Variants in GID8 observed in about 807,000 individuals in gnomAD.
GID8 encodes GID complex subunit 8 homolog.
GID8 carries 6 observed loss-of-function variants against 27.4 expected under a neutral mutation model. The observed-to-expected ratio is 0.22, with a 90% CI of 0.12 to 0.43. The LOEUF is 0.43. Ranked by LOEUF, GID8 falls within the 20% of genes least tolerant of loss-of-function variation. The pLI, the probability that GID8 is intolerant of heterozygous loss-of-function variation, is 1.00. For missense variants in GID8, 173 were observed against 287.6 expected (o/e 0.60, Z 2.88); for synonymous variants, 112 against 109.0 (o/e 1.03, Z -0.17).
In GID8 at chr20:62,942,959, T is replaced by A. The variant is rs780896889; in HGVS notation, c.119-28T>A. 1.9e-6 allele frequency: 3 copies of A among 1,570,934 alleles called. No individual in the cohort carries two copies. In the Admixed American group the frequency reaches 5.1e-5, roughly 27 times the overall value. On this transcript the variant is annotated intron_variant, in intron 2 of 4. Coordinates refer to ENST00000266069, the MANE Select transcript of GID8 (RefSeq NM_017896.3). Reference sequence around the variant, plus strand: ...TGCCTTAATTCCTTGCTAACTTTCCTAGCAGTGAAGATGGTTTTTCTATTC... The same window carrying A: ...TGCCTTAATTCCTTGCTAACTTTCCAAGCAGTGAAGATGGTTTTTCTATTC...
chr20:62,943,416 T>C lies in GID8; in HGVS notation c.316-79T>C. 7.5e-7 allele frequency: 1 copy of C among 1,337,304 alleles called. No homozygotes were observed. The highest frequency in any genetic ancestry group is 1.1e-6 in the Non-Finnish European group (1 of 939,276). The allele number at this position is 1,337,304 out of a possible 1,614,324, so 82.8% of individuals were successfully genotyped here. On this transcript the variant is annotated intron_variant, in intron 3 of 4. Transcript: ENST00000266069. This position sits in a 1 kb window ranked among gnomAD's most constrained non-coding sequence, Gnocchi z 4.7. The stretch of plus-strand genomic sequence containing the variant: ...AAGTCTTCCCTCTGTGATGTACTTT[T>C]GATTGGGACCTGGTACCACCTGCCC...
At position 62,943,429 on chromosome 20, in the gene GID8, GT is replaced by G; in HGVS notation, c.316-65del. On this transcript the variant is annotated intron_variant, in intron 3 of 4. Transcript: ENST00000266069. The surrounding 1 kb of genome is among the most constrained non-coding windows in gnomAD (Gnocchi z 4.7). Reference sequence around the variant, plus strand: ...GTGATGTACTTTTGATTGGGACCTGGTACCACCTGCCCTAAGTCCCTGGCCT... The same window carrying G: ...GTGATGTACTTTTGATTGGGACCTGGACCACCTGCCCTAAGTCCCTGGCCT... 1 of 1,415,696 alleles carries G rather than the reference GT, an allele frequency of 7.1e-7. No individual in the cohort carries two copies. Among genetic ancestry groups the G allele is most frequent in the Non-Finnish European group, 1.0e-6 (1 of 1,004,918 alleles). The allele number at this position is 1,415,696 out of a possible 1,614,324, so 87.7% of individuals were successfully genotyped here.
In GID8 at chr20:62,945,238, T is replaced by C; in HGVS notation, c.*326T>C. 1.9e-6 allele frequency: 2 copies of C among 1,077,074 alleles called. No homozygotes were observed. The highest frequency in any genetic ancestry group is 2.3e-6 in the Non-Finnish European group (2 of 886,736). The allele number at this position is 1,077,074 out of a possible 1,614,324, so 66.7% of individuals were successfully genotyped here. A position where few individuals can be genotyped will look rare whatever the true frequency, so the allele number is the denominator to read the frequency against. ...CGGTCTACCACGGAGGGCTGTGCTG[T>C]TAGGCTGCATCCCACTCAAAATACA... On this transcript the variant is annotated 3_prime_UTR_variant, in exon 5 of 5. Coordinates refer to ENST00000266069, the MANE Select transcript of GID8 (RefSeq NM_017896.3).
chr20:62,941,466 C>A, intron 1 of GID8, 25 bp from the exon 2 acceptor site: 2 of 1,330,220 alleles, frequency 1.5e-6, no homozygotes, highest in Non-Finnish European at 2.2e-6. Context: ...AAACCCCTCC[C>A]TCAGCTGTTA....
intron 1 of GID8, chr20:62,938,536 G>C (rs529411462): frequency 2.0e-3 from 311 of 152,408 alleles, no homozygotes; most frequent in Admixed American, 4.2e-3. Flanking sequence ...GGCGGTAGCT[G>C]TCTCTGTGGA....
In GID8 at chr20:62,943,371, A is replaced by G. The variant is rs1200133921; in HGVS notation, c.316-124A>G. 11 of 1,052,044 alleles carry G rather than the reference A, an allele frequency of 1.0e-5. No homozygotes were observed. Among genetic ancestry groups the G allele is most frequent in the Admixed American group, 2.5e-5 (1 of 40,678 alleles). 65.2% of individuals were successfully genotyped at this position (1,052,044 alleles called of 1,614,324 possible). A position where few individuals can be genotyped will look rare whatever the true frequency, so the allele number is the denominator to read the frequency against. On this transcript the variant is annotated intron_variant, in intron 3 of 4. Transcript: ENST00000266069. This position sits in a 1 kb window ranked among gnomAD's most constrained non-coding sequence, Gnocchi z 4.7. ...TTTTTGTTTTAAAAATGCAAATTTG[A>G]TAACTCAGAGATGCAAGAAAAGTCT... is the stretch of plus-strand genomic sequence containing the variant.
rs181212894 is a variant in GID8 at position 62,947,660 on chromosome 20, G to C, written c.*2748G>C. The C allele has an allele frequency of 1.3e-5, 2 of 152,474 alleles. No homozygotes were observed. The highest frequency in any genetic ancestry group is 3.9e-4 in the East Asian group (2 of 5,180). 9.4% of individuals were successfully genotyped at this position (152,474 alleles called of 1,614,324 possible). ...TAACACATCTTGCCATTTGAATCAG[G>C]GTCTCCAGTTTCTAGAAAAGGCAGA... On this transcript the variant is annotated 3_prime_UTR_variant, in exon 5 of 5. Coordinates refer to ENST00000266069, the MANE Select transcript of GID8 (RefSeq NM_017896.3).
Position 62,943,833 on chromosome 20 carries a change from T to G in GID8, c.513+141T>G. On this transcript the variant is annotated intron_variant, in intron 4 of 4. Transcript: ENST00000266069. The surrounding 1 kb of genome is among the most constrained non-coding windows in gnomAD (Gnocchi z 4.7). The stretch of plus-strand genomic sequence containing the variant: ...CCTGGGATGCTAAGTGGTTCCTTCA[T>G]GGCTTTTTTTTTTTTTTTTGGAGGT... 1 of 582,176 alleles carries G rather than the reference T, an allele frequency of 1.7e-6. No homozygotes were observed. Among genetic ancestry groups the G allele is most frequent in the Non-Finnish European group, 2.9e-6 (1 of 341,304 alleles). The allele number at this position is 582,176 out of a possible 1,614,324, so 36.1% of individuals were successfully genotyped here.
In GID8 at chr20:62,943,074, A is replaced by G. The variant is rs1468841862; in HGVS notation, c.206A>G (p.Lys69Arg). The change falls in exon 3 of 5, where the codon AAG becomes AGG. Residue 69 changes from lysine (K) to arginine (R), a missense_variant. Physicochemically the swap from Lys to Arg is conservative, Grantham distance 26. Coordinates refer to ENST00000266069, the MANE Select transcript of GID8 (RefSeq NM_017896.3). This position sits in a 1 kb window ranked among gnomAD's most constrained non-coding sequence, Gnocchi z 4.7. ...CTGGAAACACTTGATGAACGAATCAAGATCCGGGAGATGATACTGAAAGGT... is the reference window on the plus strand; with the variant it reads ...CTGGAAACACTTGATGAACGAATCAGGATCCGGGAGATGATACTGAAAGGT... ...VDLETLDERI[K>R]IREMILKGQI... is the part of the protein sequence containing the mutation. The G allele has an allele frequency of 1.9e-6, 3 of 1,614,032 alleles. No individual in the cohort carries two copies. Among genetic ancestry groups the G allele is most frequent in the South Asian group, 1.1e-5 (1 of 91,086 alleles).
chr20:62,942,815 T>A (rs558375893), intron 2 of GID8, among the ~76,000 whole-genome samples, 172 bp from the exon 3 acceptor site: 1 of 152,256 alleles, frequency 6.6e-6, no homozygotes, highest in Non-Finnish European at 1.5e-5. Context: ...TTTCTATATG[T>A]ATTTTGAGAG....
intron 1 of GID8, 98 bp from the exon 2 acceptor site, chr20:62,941,393 C>G: frequency 1.4e-6 from 1 of 700,254 alleles, no homozygotes; most frequent in African/African-American, 1.8e-5. Context: ...CGTACATGCT[C>G]AGTGTGGGAT....
At chr20:62,940,609 A>G (rs1310640208) in intron 1 of GID8, among the ~76,000 whole-genome samples, 1 of 151,928 alleles carries the variant, frequency 6.6e-6, no homozygotes, top group African/African-American at 2.4e-5. Flanking sequence ...TCGGCCTCCC[A>G]AAGTGCTGGG....
chr20:62,943,729 C>CTCAGAGCACATGGGGA lies in GID8; in HGVS notation c.513+37_513+38insTCAGAGCACATGGGGA. On this transcript the variant is annotated intron_variant, in intron 4 of 4. Coordinates refer to ENST00000266069, the MANE Select transcript of GID8 (RefSeq NM_017896.3). This position sits in a 1 kb window ranked among gnomAD's most constrained non-coding sequence, Gnocchi z 4.7. ...CAGAGGGAAGCTTTCTTCCATTCCC[C>CTCAGAGCACATGGGGA]ATGTGCTCTGAGGGGGCTTCGTGAC... 6.5e-7 allele frequency: 1 copy of CTCAGAGCACATGGGGA among 1,530,092 alleles called. No individual in the cohort carries two copies. The highest frequency in any genetic ancestry group is 9.0e-7 in the Non-Finnish European group (1 of 1,105,730). 94.8% of individuals were successfully genotyped at this position (1,530,092 alleles called of 1,614,324 possible). A position where few individuals can be genotyped will look rare whatever the true frequency, so the allele number is the denominator to read the frequency against.
Position 62,942,695 on chromosome 20 carries a change from C to T in GID8, c.119-292C>T, listed in dbSNP as rs547970584. 4.6e-5 allele frequency among the ~76,000 whole-genome samples: 7 copies of T among 152,334 alleles called. No individual in the cohort carries two copies. The East Asian group carries it at 1.3e-3, about 29-fold the overall frequency. ...GGCGTCTGGACCTATTATCTGTCCT[C>T]TCAAAGGAGCCCACACCAACACACT... is the stretch of plus-strand genomic sequence containing the variant. On this transcript the variant is annotated intron_variant, in intron 2 of 4. Transcript: ENST00000266069.
rs1029635550 is a variant in GID8 at position 62,945,392 on chromosome 20, A to G, written c.*480A>G. ...TTTCTTTTTCCATAGGAAAGAATAT[A>G]TAAATTTGTAAATCCTAATTCAAAG... On this transcript the variant is annotated 3_prime_UTR_variant, in exon 5 of 5. Transcript: ENST00000266069. The G allele has an allele frequency of 1.0e-5, 10 of 983,522 alleles. No individual in the cohort carries two copies. Among genetic ancestry groups the G allele is most frequent in the Non-Finnish European group, 1.2e-5 (10 of 827,622 alleles). 60.9% of individuals were successfully genotyped at this position (983,522 alleles called of 1,614,324 possible).
intron 1 of GID8, among the ~76,000 whole-genome samples, chr20:62,940,764 G>T (rs2065439767): frequency 6.6e-6 from 1 of 152,228 alleles, no homozygotes; most frequent in Admixed American, 6.5e-5. Context: ...CATGACCACA[G>T]TCCCTTCTCA....
intron 1 of GID8, chr20:62,938,481 C>T (rs919899506): frequency 1.3e-5 from 2 of 152,024 alleles, no homozygotes; most frequent in African/African-American, 4.8e-5. Flanking sequence ...GGCGCGCGGC[C>T]TCAGGCGCTG....
Position 62,943,783 on chromosome 20 carries a change from G to A in GID8, c.513+91G>A. On this transcript the variant is annotated intron_variant, in intron 4 of 4. Coordinates refer to ENST00000266069, the MANE Select transcript of GID8 (RefSeq NM_017896.3). The surrounding 1 kb of genome is among the most constrained non-coding windows in gnomAD (Gnocchi z 4.7). ...GCCAAGTGTGTGGCTTTGCTGTGTGGACTGAGAGACAGGTGGCTTCTGTGC... is the reference window on the plus strand; with the variant it reads ...GCCAAGTGTGTGGCTTTGCTGTGTGAACTGAGAGACAGGTGGCTTCTGTGC... 1 of 976,834 alleles carries A rather than the reference G, an allele frequency of 1.0e-6. No individual in the cohort carries two copies. The highest frequency in any genetic ancestry group is 1.6e-6 in the Non-Finnish European group (1 of 632,410). 60.5% of individuals were successfully genotyped at this position (976,834 alleles called of 1,614,324 possible).
Position 62,945,667 on chromosome 20 carries a change from A to G in GID8, c.*755A>G, listed in dbSNP as rs1339451527. On this transcript the variant is annotated 3_prime_UTR_variant, in exon 5 of 5. Transcript: ENST00000266069. ...AAATGGCCTCTAAAAGATGTTAATC[A>G]TCTCAAATGACCTTTTGTCTTTGGG... The G allele has an allele frequency of 8.5e-7, 1 of 1,180,058 alleles. No individual in the cohort carries two copies. The allele number at this position is 1,180,058 out of a possible 1,614,324, so 73.1% of individuals were successfully genotyped here.
Sources: gnomAD v4.1 joint callset for allele counts (sites outside exome capture counted in the v4.1 genomes callset) on GRCh38, gnomAD v4.1.1 for gene constraint, Gnocchi (gnomAD v3.1) non-coding constraint, MANE v1.5 for transcripts, NCBI Gene and HGNC (gene_info 2026-07-23, HGNC 2026-07-21) for gene names.